PRKG1: variants seen among roughly 807,000 people sequenced by gnomAD.
PRKG1 encodes the protein protein kinase cGMP-dependent 1, also known as cGMP-dependent protein kinase 1.
Under a neutral mutation model 88.1 loss-of-function variants are expected in PRKG1, and 35 were observed. The ratio of observed to expected loss-of-function variants is 0.40; its 90% CI spans 0.30 to 0.53. The LOEUF is 0.53. Among genes scored for constraint, PRKG1 ranks in the 20% least tolerant of loss-of-function variants. PRKG1 has a pLI of 0.59. For synonymous variants in PRKG1, 303 were observed against 292.5 expected, an observed-to-expected ratio of 1.04 and a Z score of -0.37; for missense variants, 540 against 839.8, an observed-to-expected ratio of 0.64 and a Z score of 4.41.
chr10:51,672,237 T>C (rs906663987), intron 3 of PRKG1, among the ~76,000 whole-genome samples: 1 of 152,106 alleles, frequency 6.6e-6, no homozygotes, highest in Non-Finnish European at 1.5e-5. Flanking sequence ...TTAATGTATT[T>C]TAGACCTTCT....
chr10:52,079,900 G>T (rs1219268886), intron 7 of PRKG1, among the ~76,000 whole-genome samples: 1 of 152,072 alleles, frequency 6.6e-6, no homozygotes, highest in Non-Finnish European at 1.5e-5. Context: ...TCTTGCTGTA[G>T]GCCCCATACA....
chr10:51,766,444 T>A (rs553240252), intron 3 of PRKG1, among the ~76,000 whole-genome samples: 1 of 152,286 alleles, frequency 6.6e-6, no homozygotes, highest in South Asian at 2.1e-4. Flanking sequence ...CTTTCTTGTC[T>A]ATGTGGCTGT....
At chr10:51,997,683 C>G (rs537338892) in intron 5 of PRKG1, among the ~76,000 whole-genome samples, 1 of 151,944 alleles carries the variant, frequency 6.6e-6, no homozygotes, top group African/African-American at 2.4e-5. Flanking sequence ...TAATGTTGTA[C>G]GCAATAAATA....
At chr10:51,989,373 T>C (rs958434994) in intron 5 of PRKG1, among the ~76,000 whole-genome samples, 70 of 150,950 alleles carry the variant, frequency 4.6e-4, no homozygotes, top group African/African-American at 1.6e-3. Flanking sequence ...TAAGAATGAT[T>C]ACCCGTAATG....
chr10:51,012,455 T>A (rs1440889659), intron 1 of PRKG1, among the ~76,000 whole-genome samples: 1 of 152,212 alleles, frequency 6.6e-6, no homozygotes, highest in Non-Finnish European at 1.5e-5. Flanking sequence ...ATTACCTCTG[T>A]AATTAAAGAG....
intron 7 of PRKG1, among the ~76,000 whole-genome samples, chr10:52,067,492 C>A (rs1846382301): frequency 6.6e-6 from 1 of 152,146 alleles, no homozygotes. Flanking sequence ...ACTCAACACC[C>A]TTTCTCCAGA....
At chr10:52,153,127 T>A (rs981298556) in intron 8 of PRKG1, among the ~76,000 whole-genome samples, 2 of 152,156 alleles carry the variant, frequency 1.3e-5, no homozygotes, top group Non-Finnish European at 2.9e-5. Context: ...GATCTGTGCT[T>A]AAGGACCAGT....
intron 1 of PRKG1, among the ~76,000 whole-genome samples, chr10:51,144,880 AAAGTGTACACTT>A (rs1342170233): frequency 6.6e-6 from 1 of 152,118 alleles, no homozygotes; most frequent in Admixed American, 6.5e-5. Flanking sequence ...CAGTCAAGAG[AAAGTGTACACTT>A]TGGGATAAGG....
In PRKG1 at chr10:51,679,575, A is replaced by G. The variant is rs1412568971; in HGVS notation, c.593-125010A>G. Among the ~76,000 whole-genome samples the G allele has an allele frequency of 2.6e-5, 4 of 152,170 alleles. No individual in the cohort carries two copies. In the East Asian group the frequency reaches 7.7e-4, roughly 29 times the overall value. Reference sequence around the variant, plus strand: ...GCATAAAGATCAAACTCCTTAGCTTATCTCTGGAGACACTGGGGAACTAGG... The same window carrying G: ...GCATAAAGATCAAACTCCTTAGCTTGTCTCTGGAGACACTGGGGAACTAGG... On this transcript the variant is annotated intron_variant, in intron 3 of 17. Coordinates refer to ENST00000373980, the MANE Select transcript of PRKG1 (RefSeq NM_006258.4).
At chr10:51,664,054 TAA>T (rs1325315817) in intron 3 of PRKG1, among the ~76,000 whole-genome samples, 12 of 152,240 alleles carry the variant, frequency 7.9e-5, no homozygotes, top group East Asian at 3.9e-4. Context: ...GAAATAGAGA[TAA>T]GTGTTATTAT....
At chr10:51,862,305 G>A (rs1025862140) in intron 4 of PRKG1, among the ~76,000 whole-genome samples, 1 of 152,162 alleles carries the variant, frequency 6.6e-6, no homozygotes, top group Non-Finnish European at 1.5e-5. Flanking sequence ...GTGCCCAGCA[G>A]CTTTTTCTCC....
chr10:51,239,697 T>C, intron 2 of PRKG1, among the ~76,000 whole-genome samples: 1 of 152,074 alleles, frequency 6.6e-6, no homozygotes, highest in East Asian at 1.9e-4. Flanking sequence ...ATGGTTTGAG[T>C]ACGTGGGCTG....
intron 3 of PRKG1, among the ~76,000 whole-genome samples, chr10:51,750,344 G>A (rs554966428): frequency 6.6e-6 from 1 of 152,112 alleles, no homozygotes; most frequent in Non-Finnish European, 1.5e-5. Context: ...TTTTTTGCAT[G>A]TGGACATAAG....
chr10:52,088,327 ATTAT>A (rs1416005656), intron 7 of PRKG1, among the ~76,000 whole-genome samples: 55 of 150,422 alleles, frequency 3.7e-4, no homozygotes, highest in African/African-American at 8.5e-4. Context: ...CAAACAGTAT[ATTAT>A]TTATGTTTAT....
Position 51,601,721 on chromosome 10 carries a change from A to ATTTTTTTTTT in PRKG1, c.592+133924_592+133933dup, listed in dbSNP as rs749205610. On this transcript the variant is annotated intron_variant, in intron 3 of 17. Coordinates refer to ENST00000373980, the MANE Select transcript of PRKG1 (RefSeq NM_006258.4). Reference sequence around the variant, plus strand: ...TTTTAGAAATAAAGTGGCAGATTGAATTTTTTTTTTTTTTTTTTTTTTTTT... The same window carrying ATTTTTTTTTT: ...TTTTAGAAATAAAGTGGCAGATTGAATTTTTTTTTTTTTTTTTTTTTTTTTTTTTTTTTTT... Among the ~76,000 whole-genome samples the ATTTTTTTTTT allele has an allele frequency of 5.3e-4, 23 of 43,574 alleles. 3 individuals carry two copies. Among genetic ancestry groups the ATTTTTTTTTT allele is most frequent in the African/African-American group, 6.7e-4 (9 of 13,344 alleles). 28.6% of individuals were successfully genotyped at this position (43,574 alleles called of 152,430 possible). A position where few individuals can be genotyped will look rare whatever the true frequency, so the allele number is the denominator to read the frequency against.
chr10:51,435,145 G>A (rs1287536956), intron 2 of PRKG1, among the ~76,000 whole-genome samples: 3 of 152,038 alleles, frequency 2.0e-5, no homozygotes, highest in Admixed American at 6.6e-5. Context: ...GGTATGAAAT[G>A]TACCTTATGT....
intron 2 of PRKG1, among the ~76,000 whole-genome samples, chr10:51,296,805 G>A (rs1181568017): frequency 6.6e-6 from 1 of 152,022 alleles, no homozygotes; most frequent in Non-Finnish European, 1.5e-5. Context: ...AGGCATTTAT[G>A]TTGTATTTTT....
intron 3 of PRKG1, among the ~76,000 whole-genome samples, chr10:51,629,070 T>C (rs929250268): frequency 2.4e-4 from 37 of 152,158 alleles, no homozygotes; most frequent in African/African-American, 8.7e-4. Context: ...TTTTATAAAA[T>C]AGAAAGGATC....
chr10:51,754,959 T>C (rs1837819302), intron 3 of PRKG1, among the ~76,000 whole-genome samples: 1 of 150,702 alleles, frequency 6.6e-6, no homozygotes, highest in Admixed American at 6.6e-5. Context: ...CAATTCAACT[T>C]GGAATGTTAA....
Sources: allele counts gnomAD v4.1 joint callset (sites outside exome capture counted in the v4.1 genomes callset), GRCh38; gene constraint gnomAD v4.1.1; transcripts MANE v1.5; gene names NCBI Gene and HGNC (gene_info 2026-07-23, HGNC 2026-07-21).